SYCP2: variants seen among roughly 807,000 people sequenced by gnomAD.
SYCP2 encodes synaptonemal complex lateral element protein.
SYCP2 carries 55 observed loss-of-function variants against 211.3 expected under a neutral mutation model. That is an observed-to-expected ratio of 0.26 (90% CI 0.21 to 0.33). SYCP2 has a LOEUF of 0.33. Among genes scored for constraint, SYCP2 ranks in the 10% least tolerant of loss-of-function variants. The pLI is 1.00. For missense variants in SYCP2, 1,731 were observed against 1,752.0 expected (o/e 0.99, Z 0.21); for synonymous variants, 570 against 555.2 (o/e 1.03, Z -0.37).
chr20:59,885,930 T>C lies in SYCP2; in HGVS notation c.2527A>G (p.Lys843Glu). ...GAAGTTAAGTAAATAACACCTACCT[T>C]ACTGAGTTGTACAACAGGTTTGTTT... ...FSNKPVVQLS[K>E]EKVQKKSYRK... The change falls in exon 26 of 45, where the codon AAG (lysine) becomes GAG (glutamate). Residue 843 changes from lysine to glutamate, a missense_variant and splice_region_variant. By Grantham distance (56) the Lys-to-Glu change is moderately conservative (BLOSUM62 1). Transcript: ENST00000357552. 2 of 1,599,236 alleles carry C rather than the reference T, an allele frequency of 1.3e-6. No homozygotes were observed. The highest frequency in any genetic ancestry group is 8.5e-7 in the Non-Finnish European group (1 of 1,174,228).
chr20:59,892,958 A>G (rs1372118738), intron 22 of SYCP2, among the ~76,000 whole-genome samples, 184 bp downstream of exon 22: 1 of 151,930 alleles, frequency 6.6e-6, no homozygotes, highest in African/African-American at 2.4e-5. Context: ...CCACTTGAAA[A>G]GAGTTATATT....
At position 59,892,139 on chromosome 20, in the gene SYCP2, A is replaced by G. The variant is rs542719581; in HGVS notation, c.2215T>C (p.Tyr739His). The G allele has an allele frequency of 3.2e-5, 51 of 1,612,320 alleles. No individual in the cohort carries two copies. In the South Asian group the frequency reaches 3.7e-4, roughly 12 times the overall value. ...LNKTIEESLI[Y>H]RKKYILSKDV... ...TTTGACAATATGTATTTCTTCCTAT[A>G]TATCAGCGATTCTTCAATTGTCTTA... The change falls in exon 24 of 45, where the codon TAT becomes CAT. Residue 739 changes from tyrosine (Y) to histidine (H), a missense_variant. Physicochemically the swap from Tyr to His is moderately conservative, Grantham distance 83 (BLOSUM62 2). Transcript: ENST00000357552.
At chr20:59,866,231 C>A in intron 41 of SYCP2, 62 bp downstream of exon 41, 1 of 1,102,836 alleles carries the variant, frequency 9.1e-7, no homozygotes, top group Non-Finnish European at 1.3e-6. Flanking sequence ...AAAGTTTTTC[C>A]AAGTATAGCT....
chr20:59,906,015 G>T (rs972701016), intron 15 of SYCP2, among the ~76,000 whole-genome samples: 1 of 151,998 alleles, frequency 6.6e-6, no homozygotes, highest in African/African-American at 2.4e-5. Context: ...CTGAATACTT[G>T]GGAACAAATT....
At chr20:59,879,658 A>C (rs2059628193) in intron 31 of SYCP2, among the ~76,000 whole-genome samples, 1 of 151,350 alleles carries the variant, frequency 6.6e-6, no homozygotes, top group Admixed American at 6.6e-5. Context: ...AGAAAGCAGA[A>C]GCCACTTTCT....
At chr20:59,887,070 T>C (rs2059805353) in intron 24 of SYCP2, among the ~76,000 whole-genome samples, 1 of 152,166 alleles carries the variant, frequency 6.6e-6, no homozygotes, top group African/African-American at 2.4e-5. Flanking sequence ...GTTACACATG[T>C]ATACATGTGC....
chr20:59,924,661 T>C (rs764540518), intron 2 of SYCP2, among the ~76,000 whole-genome samples: 2 of 151,884 alleles, frequency 1.3e-5, no homozygotes, highest in African/African-American at 4.8e-5. Context: ...TAAAACTATA[T>C]GCTGTCCAAA....
Position 59,901,200 on chromosome 20 carries a change from T to C in SYCP2, c.1183-382A>G, listed in dbSNP as rs1444190700. Among the ~76,000 whole-genome samples, 3 of 152,100 alleles carry C rather than the reference T, an allele frequency of 2.0e-5. No homozygotes were observed. In the East Asian group the frequency reaches 5.8e-4, roughly 29 times the overall value. On this transcript the variant is annotated intron_variant, in intron 16 of 44. Transcript: ENST00000357552. ...TTCCACATGCCTGGAAAGTATTTTA[T>C]CTAAATGCTTTCCTTCAACTTCAAA...
Position 59,915,466 on chromosome 20 carries a change from T to A in SYCP2, c.598A>T (p.Met200Leu). ...ILSNQEMLIL[M>L]SSMGERILDA... ...AACCATATAAGTACAGATTATTACATGAGAATTAACATTTCTTGGTTAGAG... is the reference window on the plus strand; with the variant it reads ...AACCATATAAGTACAGATTATTACAAGAGAATTAACATTTCTTGGTTAGAG... The change falls in exon 9 of 45, where the codon ATG becomes TTG. Residue 200 changes from methionine (M) to leucine (L), a missense_variant and splice_region_variant. Coordinates refer to ENST00000357552, the MANE Select transcript of SYCP2 (RefSeq NM_014258.4). The A allele has an allele frequency of 1.9e-6, 3 of 1,579,046 alleles. No homozygotes were observed. The highest frequency in any genetic ancestry group is 2.7e-5 in the African/African-American group (2 of 74,290).
chr20:59,932,805 C>G (rs931192476), intron 1 of SYCP2, among the ~76,000 whole-genome samples: 1 of 152,166 alleles, frequency 6.6e-6, no homozygotes, highest in Non-Finnish European at 1.5e-5. Flanking sequence ...CGCATCAGGC[C>G]CAGCTGCGCG....
intron 16 of SYCP2, among the ~76,000 whole-genome samples, chr20:59,901,184 C>T (rs771152191): frequency 2.6e-5 from 4 of 152,062 alleles, no homozygotes; most frequent in Non-Finnish European, 4.4e-5. Flanking sequence ...CTTCCACATG[C>T]CTGGAAAGTA....
At chr20:59,911,529 T>A (rs1330524992) in intron 14 of SYCP2, among the ~76,000 whole-genome samples, 3 of 152,180 alleles carry the variant, frequency 2.0e-5, no homozygotes, top group Non-Finnish European at 4.4e-5. Context: ...AAAATGAGCA[T>A]TAAAACTCAG....
At position 59,920,389 on chromosome 20, in the gene SYCP2, T is replaced by C; in HGVS notation, c.267A>G (p.Leu89=). The C allele has an allele frequency of 6.2e-7, 1 of 1,609,476 alleles. No individual in the cohort carries two copies. The highest frequency in any genetic ancestry group is 8.5e-7 in the Non-Finnish European group (1 of 1,177,034). The change falls in exon 5 of 45, where the codon CTA becomes CTG. Residue 89 remains leucine (L), a synonymous_variant. Transcript: ENST00000357552. ...NISVLGQAGL[L]TMIKQGLIQK... is the part of the protein sequence containing the mutation. ...GTATTAGTCCTTGTTTTATCATCGT[T>C]AGAAGTCCAGCTTGCCCCAATACAC...
intron 24 of SYCP2, among the ~76,000 whole-genome samples, chr20:59,887,462 G>A (rs2145709260): frequency 6.6e-6 from 1 of 152,254 alleles, no homozygotes; most frequent in South Asian, 2.1e-4. Flanking sequence ...GAACATACGT[G>A]TGCATGTGTC....
At chr20:59,890,986 G>A (rs561862568) in intron 24 of SYCP2, among the ~76,000 whole-genome samples, 3 of 151,940 alleles carry the variant, frequency 2.0e-5, no homozygotes, top group African/African-American at 7.2e-5. Context: ...GAAGAAAACA[G>A]CCAAATTAGG....
chr20:59,916,455 T>C, intron 8 of SYCP2, 31 bp downstream of exon 8: 1 of 1,319,712 alleles, frequency 7.6e-7, no homozygotes, highest in Non-Finnish European at 1.1e-6. Context: ...TTCTCATTTT[T>C]AGTTTTTAAA....
chr20:59,905,807 T>C (rs961398409), intron 15 of SYCP2, among the ~76,000 whole-genome samples: 4 of 152,132 alleles, frequency 2.6e-5, no homozygotes, highest in East Asian at 3.8e-4. Context: ...TAAGCAAAGA[T>C]TGGGAAGTAG....
chr20:59,915,036 T>C lies in SYCP2; in HGVS notation c.634+129A>G, dbSNP rs183603739. The C allele has an allele frequency of 1.7e-4, 106 of 616,958 alleles. No homozygotes were observed. In the African/African-American group the frequency reaches 1.8e-3, roughly 11 times the overall value. 38.2% of individuals were successfully genotyped at this position (616,958 alleles called of 1,614,324 possible). A position where few individuals can be genotyped will look rare whatever the true frequency, so the allele number is the denominator to read the frequency against. The stretch of plus-strand genomic sequence containing the variant: ...AAATTTCATGTATATTTATTAAAAA[T>C]TGCTTAATTGTACATAATGTTTATA... On this transcript the variant is annotated intron_variant, in intron 10 of 44. Transcript: ENST00000357552.
At chr20:59,907,322 G>T in intron 15 of SYCP2, 42 bp downstream of exon 15, 2 of 1,285,180 alleles carry the variant, frequency 1.6e-6, no homozygotes, top group Non-Finnish European at 1.1e-6. Flanking sequence ...GTTCCATATG[G>T]TAAGAATTAA....
Sources: allele counts gnomAD v4.1 joint callset (sites outside exome capture counted in the v4.1 genomes callset), GRCh38; gene constraint gnomAD v4.1.1; transcripts MANE v1.5; gene names NCBI Gene and HGNC (gene_info 2026-07-23, HGNC 2026-07-21).